Variants in WWOX observed in about 807,000 individuals in gnomAD.
The protein encoded by WWOX is WW domain containing oxidoreductase.
A neutral mutation model predicts 46.2 loss-of-function variants in WWOX; 69 were observed. The observed-to-expected ratio is 1.49, with a 90% CI of 1.23 to 1.82. The LOEUF (loss-of-function observed/expected upper bound fraction) is 1.82, where lower values mean the gene tolerates loss of function less well. WWOX is among the 40% of genes most tolerant of loss of function. WWOX has a pLI of 0.00. For missense variants in WWOX, 919 were observed against 542.6 expected (o/e 1.69, Z -6.89); for synonymous variants, 359 against 202.6 (o/e 1.77, Z -6.56).
At chr16:78,420,028 A>G (rs1429363047) in intron 6 of WWOX, among the ~76,000 whole-genome samples, 1 of 152,190 alleles carries the variant, frequency 6.6e-6, no homozygotes, top group Non-Finnish European at 1.5e-5. Context: ...TACATAAAAG[A>G]TGTTCAATCT....
chr16:79,032,796 C>T (rs7195101), intron 8 of WWOX, among the ~76,000 whole-genome samples: 1 of 151,122 alleles, frequency 6.6e-6, no homozygotes, highest in African/African-American at 2.4e-5. Context: ...GTTCAGGGGT[C>T]CATGTGCAGG....
intron 8 of WWOX, among the ~76,000 whole-genome samples, chr16:79,131,538 C>A (rs192044857): frequency 6.6e-6 from 1 of 152,074 alleles, no homozygotes; most frequent in Non-Finnish European, 1.5e-5. Flanking sequence ...GAGTGCAAGA[C>A]GGGGACACCC....
At chr16:78,355,456 G>C (rs960227606) in intron 5 of WWOX, 3 of 325,100 alleles carry the variant, frequency 9.2e-6, no homozygotes, top group Non-Finnish European at 1.8e-5. Flanking sequence ...CAAAAAATTA[G>C]CCTGGCGTGG....
chr16:79,127,706 T>C lies in WWOX; in HGVS notation c.1057-83902T>C, dbSNP rs192721176. 4.4e-3 allele frequency among the ~76,000 whole-genome samples: 671 copies of C among 151,834 alleles called. 8 individuals are homozygous for C. The highest frequency in any genetic ancestry group is 0.015 in the African/African-American group (639 of 41,426). The stretch of plus-strand genomic sequence containing the variant: ...ATTGCCAAATTGCCCTCTACGGAGG[T>C]TGTTCTGATTTACATTCCCACTAAG... On this transcript the variant is annotated intron_variant, in intron 8 of 8. Transcript: ENST00000566780.
chr16:79,015,344 C>T (rs886815644), intron 8 of WWOX, among the ~76,000 whole-genome samples: 5 of 152,174 alleles, frequency 3.3e-5, no homozygotes, highest in Non-Finnish European at 5.9e-5. Flanking sequence ...GATTTCCAGC[C>T]GTGTGACCTT....
intron 5 of WWOX, among the ~76,000 whole-genome samples, chr16:78,245,485 A>G (rs1249511777): frequency 2.0e-5 from 3 of 152,248 alleles, no homozygotes; most frequent in Non-Finnish European, 4.4e-5. Flanking sequence ...CTACCATGTA[A>G]TTGAGAGCAC....
intron 8 of WWOX, among the ~76,000 whole-genome samples, chr16:78,570,194 G>A (rs1189932566): frequency 2.0e-5 from 3 of 152,192 alleles, no homozygotes; most frequent in Non-Finnish European, 2.9e-5. Flanking sequence ...GGGGAAACTA[G>A]TGAGGTGGAA....
intron 8 of WWOX, among the ~76,000 whole-genome samples, chr16:78,832,362 C>T (rs773896378): frequency 9.2e-5 from 14 of 152,132 alleles, no homozygotes; most frequent in Non-Finnish European, 1.5e-4. Context: ...GCCTTTTAAG[C>T]CCCATTCTTA....
intron 8 of WWOX, among the ~76,000 whole-genome samples, chr16:78,688,733 G>C (rs1205288339): frequency 6.6e-6 from 1 of 152,126 alleles, no homozygotes. Flanking sequence ...GTGGGTAGGG[G>C]TTAGTGATAG....
chr16:78,825,629 C>G, intron 8 of WWOX: 1 of 517,514 alleles, frequency 1.9e-6, no homozygotes, highest in South Asian at 1.6e-5. Context: ...TGCGGAGGGC[C>G]TGCGATGGTG....
chr16:78,402,423 ATGC>A (rs1240215779), intron 6 of WWOX, among the ~76,000 whole-genome samples: 1 of 152,186 alleles, frequency 6.6e-6, no homozygotes, highest in East Asian at 1.9e-4. Context: ...ACTGTAAAAG[ATGC>A]TGCTATGAAC....
intron 8 of WWOX, among the ~76,000 whole-genome samples, chr16:78,989,975 G>A (rs752778900): frequency 3.3e-5 from 5 of 151,808 alleles, no homozygotes; most frequent in Non-Finnish European, 7.4e-5. Context: ...TTGAACTCAC[G>A]AGTTCGAGGC....
intron 8 of WWOX, among the ~76,000 whole-genome samples, chr16:79,031,169 G>A (rs1429284438): frequency 7.2e-5 from 11 of 151,980 alleles, no homozygotes; most frequent in South Asian, 2.1e-4. Context: ...CAACTCTTAT[G>A]ATATGCGGAA....
intron 8 of WWOX, among the ~76,000 whole-genome samples, chr16:78,477,489 C>G (rs1415447072): frequency 2.0e-5 from 3 of 152,034 alleles, no homozygotes; most frequent in Non-Finnish European, 4.4e-5. Flanking sequence ...CACCTCTGGG[C>G]TTGCTTAAAA....
intron 8 of WWOX, among the ~76,000 whole-genome samples, chr16:78,779,574 T>G (rs1240730275): frequency 6.6e-6 from 1 of 152,162 alleles, no homozygotes; most frequent in Non-Finnish European, 1.5e-5. Flanking sequence ...TGTTTAACCC[T>G]CACAAGTCTA....
chr16:78,852,907 G>C (rs1246104012), intron 8 of WWOX, among the ~76,000 whole-genome samples: 3 of 152,134 alleles, frequency 2.0e-5, no homozygotes, highest in South Asian at 2.1e-4. Flanking sequence ...AAGTAGTTTG[G>C]TGACAGGCTT....
chr16:78,696,914 G>C (rs1330476530), intron 8 of WWOX, among the ~76,000 whole-genome samples: 1 of 152,098 alleles, frequency 6.6e-6, no homozygotes, highest in Non-Finnish European at 1.5e-5. Flanking sequence ...AACACACAGT[G>C]CTTGGTTTTC....
At chr16:78,576,880 C>G (rs2044894329) in intron 8 of WWOX, among the ~76,000 whole-genome samples, 2 of 152,202 alleles carry the variant, frequency 1.3e-5, no homozygotes, top group South Asian at 2.1e-4. Context: ...AAGATTCCTT[C>G]TAAGGCTAAC....
chr16:78,792,074 G>A (rs186320683), intron 8 of WWOX, among the ~76,000 whole-genome samples: 241 of 152,228 alleles, frequency 1.6e-3, no homozygotes, highest in African/African-American at 5.6e-3. Flanking sequence ...TCCCTGGTGC[G>A]GGGGAGCAGG....
Sources: gnomAD v4.1 joint callset for allele counts (sites outside exome capture counted in the v4.1 genomes callset) on GRCh38, gnomAD v4.1.1 for gene constraint, MANE v1.5 for transcripts, NCBI Gene and HGNC (gene_info 2026-07-23, HGNC 2026-07-21) for gene names.